Variants in ABHD2 observed in about 807,000 individuals in gnomAD.
The protein encoded by ABHD2 is abhydrolase domain containing 2, acylglycerol lipase.
Under a neutral mutation model 48.1 loss-of-function variants are expected in ABHD2, and 20 were observed. The observed-to-expected ratio is 0.42, with a 90% confidence interval of 0.29 to 0.60. The LOEUF is 0.60. Among genes scored for constraint, ABHD2 ranks in the 20% least tolerant of loss-of-function variants. ABHD2 has a pLI of 0.24. For missense variants in ABHD2, 405 were observed against 550.9 expected (o/e 0.74, Z 2.65); for synonymous variants, 209 against 214.2 (o/e 0.98, Z 0.21).
rs1410927942 is a variant in ABHD2 at position 89,091,899 on chromosome 15, G to A, written c.-107+3336G>A. On this transcript the variant is annotated intron_variant, in intron 1 of 10. Transcript: ENST00000352732. The surrounding 1 kb of genome is among the most constrained non-coding windows in gnomAD (Gnocchi z 5.5). Reference sequence around the variant, plus strand: ...AAGCTATCCCCAGGAACAGAGCAATGAGAAGTTCAGGGTGCCTCTTAAATG... The same window carrying A: ...AAGCTATCCCCAGGAACAGAGCAATAAGAAGTTCAGGGTGCCTCTTAAATG... 6.6e-6 allele frequency among the ~76,000 whole-genome samples: 1 copy of A among 152,216 alleles called. No homozygotes were observed. Among genetic ancestry groups the A allele is most frequent in the East Asian group, 1.9e-4 (1 of 5,200 alleles).
chr15:89,187,041 G>C (rs1000580322), intron 7 of ABHD2, among the ~76,000 whole-genome samples: 8 of 152,250 alleles, frequency 5.3e-5, no homozygotes, highest in Admixed American at 3.3e-4. Context: ...GCTGGGCACT[G>C]AGGTGCGTGT....
At chr15:89,052,604 A>G in the ABHD2 span, among the ~76,000 whole-genome samples, 1 of 151,776 alleles carries the variant, frequency 6.6e-6, no homozygotes, top group South Asian at 2.1e-4. Context: ...GGAGAAAGCC[A>G]TGTGAAGATG....
upstream of ABHD2, chr15:89,088,053 G>A (rs1901430712): frequency 6.6e-6 from 1 of 152,242 alleles, no homozygotes; most frequent in African/African-American, 2.4e-5. This position sits in a 1 kb window ranked among gnomAD's most constrained non-coding sequence, Gnocchi z 6.8. Context: ...GAGCCCAGTC[G>A]ACAGCTGACC....
chr15:89,120,960 T>C lies in ABHD2; in HGVS notation c.194+4439T>C, dbSNP rs958418923. 1.1e-4 allele frequency: 16 copies of C among 152,234 alleles called. No homozygotes were observed. Among genetic ancestry groups the C allele is most frequent in the Admixed American group, 7.9e-4 (12 of 15,276 alleles). 9.4% of individuals were successfully genotyped at this position (152,234 alleles called of 1,614,324 possible). A position where few individuals can be genotyped will look rare whatever the true frequency, so the allele number is the denominator to read the frequency against. ...CCCCACAAAATCACGGTGATAGATATTGTTTAGTAACCTGCTTTCACCAAA... is the reference window on the plus strand; with the variant it reads ...CCCCACAAAATCACGGTGATAGATACTGTTTAGTAACCTGCTTTCACCAAA... On this transcript the variant is annotated intron_variant, in intron 3 of 10. Coordinates refer to ENST00000352732, the MANE Select transcript of ABHD2 (RefSeq NM_152924.5). The surrounding 1 kb of genome is among the most constrained non-coding windows in gnomAD (Gnocchi z 4.2).
At chr15:89,069,142 A>T in the ABHD2 span, among the ~76,000 whole-genome samples, 3 of 122,584 alleles carry the variant, frequency 2.4e-5, no homozygotes, top group African/African-American at 1.0e-4. Context: ...TTTTTTTTTA[A>T]AGAGATAGGA....
chr15:89,157,572 A>T (rs575547219), intron 5 of ABHD2, among the ~76,000 whole-genome samples: 1 of 152,324 alleles, frequency 6.6e-6, no homozygotes, highest in East Asian at 1.9e-4. Flanking sequence ...GGCCGAGCGC[A>T]GTAGCTCAAG....
chr15:89,055,377 A>G, the ABHD2 span, among the ~76,000 whole-genome samples: 2 of 139,370 alleles, frequency 1.4e-5, no homozygotes, highest in African/African-American at 5.5e-5. Flanking sequence ...CTCAGGCTGG[A>G]GTGCAGTGGC....
At chr15:89,086,676 A>G (rs973144067), upstream of ABHD2, among the ~76,000 whole-genome samples, 2 of 152,258 alleles carry the variant, frequency 1.3e-5, no homozygotes, top group African/African-American at 4.8e-5. Flanking sequence ...ATGTTGGATT[A>G]CAGGCGTGAG....
chr15:89,048,228 C>G, the ABHD2 span, among the ~76,000 whole-genome samples: 5 of 151,778 alleles, frequency 3.3e-5, no homozygotes, highest in African/African-American at 9.7e-5. Flanking sequence ...ATATTGGCCC[C>G]CACTCTCTTC....
the ABHD2 span, among the ~76,000 whole-genome samples, chr15:89,046,908 C>G: frequency 6.6e-6 from 1 of 151,928 alleles, no homozygotes; most frequent in Non-Finnish European, 1.5e-5. Flanking sequence ...CAGTTCTGCT[C>G]TGATTTTAGT....
the ABHD2 span, among the ~76,000 whole-genome samples, chr15:89,068,325 C>T: frequency 6.6e-6 from 1 of 152,136 alleles, no homozygotes; most frequent in East Asian, 1.9e-4. Flanking sequence ...ATTTTGCATA[C>T]AGAGTCTTTG....
chr15:89,055,531 C>T, the ABHD2 span, among the ~76,000 whole-genome samples: 1 of 151,986 alleles, frequency 6.6e-6, no homozygotes, highest in Non-Finnish European at 1.5e-5. Context: ...GATGAGATTT[C>T]ACCATGTTGC....
intron 1 of ABHD2, among the ~76,000 whole-genome samples, chr15:89,107,738 A>G (rs1461813513): frequency 6.6e-6 from 1 of 152,170 alleles, no homozygotes; most frequent in African/African-American, 2.4e-5. Flanking sequence ...TACATCTTCA[A>G]CCAGATGGAA....
At chr15:89,099,047 AG>A (rs754232198) in intron 1 of ABHD2, among the ~76,000 whole-genome samples, 6 of 152,126 alleles carry the variant, frequency 3.9e-5, no homozygotes, top group Non-Finnish European at 8.8e-5. Context: ...TGGCACAGGG[AG>A]GGTCCCTGGT....
At chr15:89,048,209 G>A in the ABHD2 span, among the ~76,000 whole-genome samples, 1 of 151,512 alleles carries the variant, frequency 6.6e-6, no homozygotes, top group Admixed American at 6.6e-5. Flanking sequence ...TTTTCTTTAA[G>A]AATGTTGAAT....
chr15:89,085,625 T>C (rs903732566), upstream of ABHD2, among the ~76,000 whole-genome samples: 3 of 152,208 alleles, frequency 2.0e-5, no homozygotes, highest in Admixed American at 6.5e-5. The surrounding 1 kb of genome is among the most constrained non-coding windows in gnomAD (Gnocchi z 4.2). Context: ...TGTGACATAA[T>C]TGTGTTTTAG....
chr15:89,144,751 C>G lies in ABHD2; in HGVS notation c.195-6926C>G, dbSNP rs9989337. Among the ~76,000 whole-genome samples the G allele has an allele frequency of 8.1e-3, 1,231 of 152,300 alleles. 14 individuals carry two copies. The highest frequency in any genetic ancestry group is 0.021 in the African/African-American group (892 of 41,546). On this transcript the variant is annotated intron_variant, in intron 3 of 10. Transcript: ENST00000352732. ...TTTCCTTTTGCAGTGATGAAATATT[C>G]TGGAACTAGATAGAGGTGATGAGTG...
At chr15:89,095,975 A>G (rs576573746) in intron 1 of ABHD2, among the ~76,000 whole-genome samples, 24 of 152,248 alleles carry the variant, frequency 1.6e-4, no homozygotes, top group Non-Finnish European at 2.8e-4. Context: ...CCCACTATAG[A>G]GAAAAATACA....
rs16942789 is a variant in ABHD2, at chr15:89,174,674, G to C, written c.539-1138G>C. ...CAACTCCCGTTTCCATTGTAAATCC[G>C]TACTCTTCTCATGCCAGTCTATTTT... On this transcript the variant is annotated intron_variant, in intron 5 of 10. Coordinates refer to ENST00000352732, the MANE Select transcript of ABHD2 (RefSeq NM_152924.5). This position sits in a 1 kb window ranked among gnomAD's most constrained non-coding sequence, Gnocchi z 4.1. Among the ~76,000 whole-genome samples, 20 of 152,222 alleles carry C rather than the reference G, an allele frequency of 1.3e-4. No individual in the cohort carries two copies. The highest frequency in any genetic ancestry group is 4.1e-4 in the South Asian group (2 of 4,824).
Sources: gnomAD v4.1 joint callset for allele counts (sites outside exome capture counted in the v4.1 genomes callset) on GRCh38, gnomAD v4.1.1 for gene constraint, Gnocchi (gnomAD v3.1) non-coding constraint, MANE v1.5 for transcripts, NCBI Gene and HGNC (gene_info 2026-07-23, HGNC 2026-07-21) for gene names.